Variants in SLC24A3 observed in about 807,000 individuals in gnomAD.
SLC24A3 encodes the protein solute carrier family 24 member 3.
Under a neutral mutation model 75.8 loss-of-function variants are expected in SLC24A3, and 28 were observed. That is an observed-to-expected ratio of 0.37 (90% CI 0.27 to 0.51). The LOEUF is 0.51. SLC24A3 is among the 20% of genes least tolerant of loss of function. The probability of loss-of-function intolerance (pLI) is 0.94; values close to 1 mark genes in which losing one functional copy is unlikely to be tolerated. For synonymous variants in SLC24A3, 372 were observed against 334.1 expected, an observed-to-expected ratio of 1.11 and a Z score of -1.24; for missense variants, 663 against 847.8, an observed-to-expected ratio of 0.78 and a Z score of 2.71.
chr20:19,683,530 G>C (rs941968399), intron 10 of SLC24A3, among the ~76,000 whole-genome samples: 1 of 152,182 alleles, frequency 6.6e-6, no homozygotes, highest in Non-Finnish European at 1.5e-5. Context: ...CCCAACACTT[G>C]TCAGCTCTGC....
intron 6 of SLC24A3, among the ~76,000 whole-genome samples, chr20:19,614,768 C>G (rs1034265251): frequency 5.9e-5 from 9 of 152,194 alleles, no homozygotes; most frequent in Admixed American, 1.3e-4. Flanking sequence ...GACTTTGCCT[C>G]TTTTCCTAAG....
intron 2 of SLC24A3, among the ~76,000 whole-genome samples, chr20:19,474,749 G>T (rs6046124): frequency 6.6e-6 from 1 of 152,070 alleles, no homozygotes; most frequent in South Asian, 2.1e-4. Context: ...GAACATTTAA[G>T]ATCTACTCTC....
At chr20:19,337,828 G>T (rs1379592678) in intron 2 of SLC24A3, among the ~76,000 whole-genome samples, 1 of 152,170 alleles carries the variant, frequency 6.6e-6, no homozygotes, top group Non-Finnish European at 1.5e-5. Context: ...GGCTCGATTA[G>T]GATGGCCTCT....
chr20:19,456,681 C>T (rs141577884), intron 2 of SLC24A3, among the ~76,000 whole-genome samples: 1 of 152,200 alleles, frequency 6.6e-6, no homozygotes, highest in South Asian at 2.1e-4. Flanking sequence ...CTTCACTGCC[C>T]CTCTACAGCT....
chr20:19,637,859 A>G (rs1023165046), intron 6 of SLC24A3, among the ~76,000 whole-genome samples: 4 of 152,238 alleles, frequency 2.6e-5, no homozygotes, highest in African/African-American at 9.6e-5. Context: ...CAGAGGGGAA[A>G]GCTTCAAAGA....
intron 2 of SLC24A3, among the ~76,000 whole-genome samples, chr20:19,465,381 ATTT>A (rs5840845): frequency 1.1e-4 from 16 of 143,094 alleles, no homozygotes; most frequent in African/African-American, 4.1e-4. Context: ...GGGCTGGAGA[ATTT>A]TTTTTTTTTT....
At chr20:19,681,737 A>G (rs1408149051) in intron 9 of SLC24A3, 121 bp from the exon 10 acceptor site, 3 of 1,490,892 alleles carry the variant, frequency 2.0e-6, no homozygotes, top group Non-Finnish European at 2.8e-6. Flanking sequence ...GAACACTAAT[A>G]ACTTGAGGCC....
At chr20:19,245,927 A>G (rs977440638) in intron 1 of SLC24A3, among the ~76,000 whole-genome samples, 1 of 152,208 alleles carries the variant, frequency 6.6e-6, no homozygotes, top group Non-Finnish European at 1.5e-5. Context: ...ATTTTTTGGT[A>G]ACTGAAAGAT....
intron 1 of SLC24A3, among the ~76,000 whole-genome samples, chr20:19,279,730 C>T (rs1983602308): frequency 6.6e-6 from 1 of 152,200 alleles, no homozygotes; most frequent in Non-Finnish European, 1.5e-5. Flanking sequence ...CTGAGGCTTG[C>T]TGTGGCTCTA....
chr20:19,301,374 C>A (rs953927430), intron 2 of SLC24A3, among the ~76,000 whole-genome samples: 1 of 152,164 alleles, frequency 6.6e-6, no homozygotes, highest in African/African-American at 2.4e-5. Context: ...GTAAGTTAGT[C>A]ATAAACTCTC....
Position 19,236,833 on chromosome 20 carries a change from G to A in SLC24A3, c.142+23849G>A, listed in dbSNP as rs192340691. ...GGCATATTGAAAGGTCAACAGCTGT[G>A]GCAGAAACCCACAGAGAGAGAGGGA... On this transcript the variant is annotated intron_variant, in intron 1 of 16. Transcript: ENST00000328041. Among the ~76,000 whole-genome samples the A allele has an allele frequency of 1.1e-3, 174 of 152,248 alleles. 1 individual carries two copies. Among genetic ancestry groups the A allele is most frequent in the Non-Finnish European group, 2.1e-3 (144 of 68,012 alleles).
At chr20:19,425,515 G>A (rs1203181143) in intron 2 of SLC24A3, among the ~76,000 whole-genome samples, 1 of 152,200 alleles carries the variant, frequency 6.6e-6, no homozygotes, top group Non-Finnish European at 1.5e-5. Flanking sequence ...TTTGGCAAAA[G>A]TACCACATGG....
intron 1 of SLC24A3, among the ~76,000 whole-genome samples, chr20:19,233,809 A>G (rs1982093053): frequency 6.6e-6 from 1 of 152,210 alleles, no homozygotes; most frequent in Non-Finnish European, 1.5e-5. Context: ...GACTCTAGAG[A>G]CAGGAGTTCT....
At chr20:19,361,257 G>A (rs536052061) in intron 2 of SLC24A3, among the ~76,000 whole-genome samples, 2 of 152,232 alleles carry the variant, frequency 1.3e-5, no homozygotes, top group Non-Finnish European at 2.9e-5. Context: ...AAATGAGGCT[G>A]CTGGATATCT....
At chr20:19,635,731 G>A (rs2031992447) in intron 6 of SLC24A3, among the ~76,000 whole-genome samples, 1 of 152,184 alleles carries the variant, frequency 6.6e-6, no homozygotes, top group South Asian at 2.1e-4. Context: ...CTATCACCTG[G>A]AGCACCTTTG....
At chr20:19,231,544 C>T (rs1026870836) in intron 1 of SLC24A3, among the ~76,000 whole-genome samples, 2 of 152,082 alleles carry the variant, frequency 1.3e-5, no homozygotes, top group African/African-American at 4.8e-5. Context: ...TGGAAGAGGC[C>T]GTGAGCCAAG....
At chr20:19,544,557 T>A (rs1481850441) in intron 3 of SLC24A3, among the ~76,000 whole-genome samples, 1 of 152,042 alleles carries the variant, frequency 6.6e-6, no homozygotes, top group Non-Finnish European at 1.5e-5. Context: ...ATTCACAGGG[T>A]TAAAGATTGT....
intron 3 of SLC24A3, among the ~76,000 whole-genome samples, chr20:19,546,169 A>AAAAAAAAAAAG (rs2030589357): frequency 6.8e-6 from 1 of 146,144 alleles, no homozygotes; most frequent in Non-Finnish European, 1.5e-5. Flanking sequence ...AAAAAAAAAA[A>AAAAAAAAAAAG]AAAAAAAAAA....
chr20:19,225,370 C>G (rs1160229329), intron 1 of SLC24A3, among the ~76,000 whole-genome samples: 1 of 152,136 alleles, frequency 6.6e-6, no homozygotes, highest in Non-Finnish European at 1.5e-5. Flanking sequence ...GGGCCATGTG[C>G]AGGAAGAAAG....
Sources: gnomAD v4.1 joint callset for allele counts (sites outside exome capture counted in the v4.1 genomes callset) on GRCh38, gnomAD v4.1.1 for gene constraint, MANE v1.5 for transcripts, NCBI Gene and HGNC (gene_info 2026-07-23, HGNC 2026-07-21) for gene names.